The following ANAPC10 variants were observed in gnomAD, a reference collection of about 807,000 sequenced individuals.
ANAPC10 encodes the protein anaphase-promoting complex subunit 10.
ANAPC10 carries 12 observed loss-of-function variants against 22.0 expected under a neutral mutation model. That is an observed-to-expected ratio of 0.55 (90% CI 0.35 to 0.88). The LOEUF (loss-of-function observed/expected upper bound fraction) is 0.88. Ranked by LOEUF, ANAPC10 falls within the 40% of genes least tolerant of loss-of-function variation. The pLI, the probability that ANAPC10 is intolerant of heterozygous loss-of-function variation, is 0.01. For synonymous variants in ANAPC10, 65 were observed against 69.5 expected (o/e 0.94, Z 0.32); for missense variants, 188 against 220.9 (o/e 0.85, Z 0.94).
chr4:145,090,728 A>G (rs1747553676), intron 2 of ANAPC10, among the ~76,000 whole-genome samples: 2 of 152,354 alleles, frequency 1.3e-5, no homozygotes, highest in South Asian at 4.1e-4. Context: ...ATAACTGGTT[A>G]TTTTATGCAT....
chr4:145,007,203 A>G (rs1350606686), intron 4 of ANAPC10, among the ~76,000 whole-genome samples: 1 of 151,962 alleles, frequency 6.6e-6, no homozygotes, highest in South Asian at 2.1e-4. Context: ...AGACTTTAAC[A>G]CCCCACTGTC....
intron 4 of ANAPC10, among the ~76,000 whole-genome samples, chr4:145,042,697 AAC>A (rs753928478): frequency 7.2e-5 from 11 of 152,166 alleles, no homozygotes; most frequent in Non-Finnish European, 1.3e-4. Context: ...ACACTCAGAA[AAC>A]ACAGAGTCTT....
intron 4 of ANAPC10, among the ~76,000 whole-genome samples, chr4:145,022,419 G>A (rs6537325): frequency 0.99 from 150,292 of 152,158 alleles, 74,249 homozygotes; most frequent in East Asian, 1. Context: ...CAGGAACGGA[G>A]AACCAAACAT....
chr4:145,084,424 C>T (rs1251695377), intron 2 of ANAPC10, among the ~76,000 whole-genome samples: 2 of 152,118 alleles, frequency 1.3e-5, no homozygotes, highest in South Asian at 2.1e-4. Context: ...TAAGGCAATA[C>T]ATTGGTGTGA....
intron 2 of ANAPC10, among the ~76,000 whole-genome samples, chr4:145,092,991 C>T (rs908990808): frequency 6.6e-6 from 1 of 152,136 alleles, no homozygotes; most frequent in African/African-American, 2.4e-5. Flanking sequence ...ACAGCAGGGG[C>T]CAAAATGCTG....
intron 4 of ANAPC10, among the ~76,000 whole-genome samples, chr4:145,007,868 C>CA (rs141363598): frequency 1.4e-5 from 2 of 145,492 alleles, no homozygotes; most frequent in South Asian, 2.2e-4. Flanking sequence ...AAAAACCCTT[C>CA]AAAAAAAAAA....
intron 4 of ANAPC10, among the ~76,000 whole-genome samples, chr4:145,040,504 T>C (rs556875739): frequency 6.6e-6 from 1 of 152,344 alleles, no homozygotes; most frequent in East Asian, 1.9e-4. Context: ...CTTTGCTCCT[T>C]TCAGCTACCA....
intron 4 of ANAPC10, among the ~76,000 whole-genome samples, chr4:145,054,644 C>T (rs866288206): frequency 5.1e-4 from 70 of 137,700 alleles, no homozygotes; most frequent in African/African-American, 1.9e-3. Context: ...TGTGTGTGCG[C>T]GCGCGCGCGC....
intron 4 of ANAPC10, among the ~76,000 whole-genome samples, chr4:145,045,329 CA>C (rs778335096): frequency 3.6e-4 from 55 of 151,922 alleles, no homozygotes; most frequent in Non-Finnish European, 7.5e-4. Flanking sequence ...ACTGAGGTTT[CA>C]AAAGAGCCAA....
intron 4 of ANAPC10, chr4:145,063,976 G>C (rs993317285): frequency 6.6e-6 from 1 of 152,008 alleles, no homozygotes; most frequent in South Asian, 2.1e-4. Flanking sequence ...TCTGAGGGTA[G>C]GATAGAGATG....
At chr4:145,090,726 T>C (rs1489125580) in intron 2 of ANAPC10, among the ~76,000 whole-genome samples, 1 of 152,218 alleles carries the variant, frequency 6.6e-6, no homozygotes, top group Non-Finnish European at 1.5e-5. Flanking sequence ...AGATAACTGG[T>C]TATTTTATGC....
intron 4 of ANAPC10, among the ~76,000 whole-genome samples, chr4:145,016,358 C>T (rs1419053623): frequency 6.6e-6 from 1 of 152,196 alleles, no homozygotes; most frequent in African/African-American, 2.4e-5. Flanking sequence ...CATGAGTGAA[C>T]TCCCATTCAC....
intron 4 of ANAPC10, among the ~76,000 whole-genome samples, chr4:145,044,306 G>A (rs1739957566): frequency 6.6e-6 from 1 of 151,826 alleles, no homozygotes. Flanking sequence ...CTAACAAAAG[G>A]GCTTAAGATA....
At chr4:145,022,017 T>C (rs1198201019) in intron 4 of ANAPC10, among the ~76,000 whole-genome samples, 1 of 151,954 alleles carries the variant, frequency 6.6e-6, no homozygotes, top group Non-Finnish European at 1.5e-5. Context: ...TCAGTAGATG[T>C]TGCTGGGGAT....
At chr4:145,014,849 G>C (rs1329034533) in intron 4 of ANAPC10, among the ~76,000 whole-genome samples, 1 of 152,134 alleles carries the variant, frequency 6.6e-6, no homozygotes, top group Non-Finnish European at 1.5e-5. Flanking sequence ...AATCTCTACA[G>C]CTCGGCTCTC....
intron 3 of ANAPC10, among the ~76,000 whole-genome samples, chr4:145,075,213 AC>A (rs1745026387): frequency 6.6e-6 from 1 of 152,146 alleles, no homozygotes; most frequent in African/African-American, 2.4e-5. Context: ...CTCACTGTCA[AC>A]TAAAACTGCT....
chr4:144,997,451 G>C (rs564644323), intron 4 of ANAPC10, among the ~76,000 whole-genome samples: 1 of 152,274 alleles, frequency 6.6e-6, no homozygotes, highest in South Asian at 2.1e-4. Flanking sequence ...TTAAAGAAAA[G>C]AATTTTCAAG....
At chr4:145,030,282 A>T (rs1737362333) in intron 4 of ANAPC10, among the ~76,000 whole-genome samples, 1 of 152,224 alleles carries the variant, frequency 6.6e-6, no homozygotes, top group Non-Finnish European at 1.5e-5. Flanking sequence ...GAGCCAGTTT[A>T]CAGACCAGAA....
intron 3 of ANAPC10, among the ~76,000 whole-genome samples, chr4:145,072,864 C>A (rs1744677542): frequency 6.6e-6 from 1 of 151,472 alleles, no homozygotes; most frequent in Non-Finnish European, 1.5e-5. Context: ...AGTATTAATA[C>A]ACTGTGATTA....
Sources: gnomAD v4.1 joint callset for allele counts (sites outside exome capture counted in the v4.1 genomes callset) on GRCh38, gnomAD v4.1.1 for gene constraint, MANE v1.5 for transcripts, NCBI Gene and HGNC (gene_info 2026-07-23, HGNC 2026-07-21) for gene names.